The following MKI67 variants were observed in gnomAD, a reference collection of about 807,000 sequenced individuals.
MKI67 encodes marker of proliferation Ki-67, also known as proliferation marker protein Ki-67.
Under a neutral mutation model 233.5 loss-of-function variants are expected in MKI67, and 152 were observed. That is an observed-to-expected ratio of 0.65 (90% confidence interval 0.57 to 0.74). MKI67 has a LOEUF of 0.74. MKI67 is among the 30% of genes least tolerant of loss of function. The pLI is 0.00. For synonymous variants in MKI67, 1,465 were observed against 1,418.5 expected (o/e 1.03, Z -0.74); for missense variants, 3,940 against 3,885.2 (o/e 1.01, Z -0.37).
At chr10:128,123,674 C>T (rs1351079956) in intron 2 of MKI67, among the ~76,000 whole-genome samples, 1 of 152,174 alleles carries the variant, frequency 6.6e-6, no homozygotes, top group Non-Finnish European at 1.5e-5. Flanking sequence ...AATGGTTGTA[C>T]ATGTCACTAA....
rs534918568 is a variant in MKI67, at chr10:128,126,261, C to T, written c.-252G>A. 285 of 153,128 alleles carry T rather than the reference C, an allele frequency of 1.9e-3. 2 individuals carry two copies. The highest frequency in any genetic ancestry group is 3.5e-3 in the Non-Finnish European group (237 of 68,622). The allele number at this position is 153,128 out of a possible 1,614,324, so 9.5% of individuals were successfully genotyped here. ...GCCGCAGCCCGCGGGGTCGCGTTCGCTGCACCCCGGCCTGCAGTCCCCGCT... is the reference window on the plus strand; with the variant it reads ...GCCGCAGCCCGCGGGGTCGCGTTCGTTGCACCCCGGCCTGCAGTCCCCGCT... On this transcript the variant is annotated 5_prime_UTR_variant, in exon 1 of 15. Coordinates refer to ENST00000368654, the MANE Select transcript of MKI67 (RefSeq NM_002417.5).
chr10:128,125,662 C>T lies in MKI67; in HGVS notation c.6G>A (p.Trp2Ter). 1 of 1,613,728 alleles carries T rather than the reference C, an allele frequency of 6.2e-7. No individual in the cohort carries two copies. Among genetic ancestry groups the T allele is most frequent in the East Asian group, 2.2e-5 (1 of 44,872 alleles). The change falls in exon 2 of 15, where the codon TGG (tryptophan) becomes TGA (stop). Residue 2 changes from tryptophan (W) to a stop codon, truncating the protein, a stop_gained. Transcript: ENST00000368654. LOFTEE classifies it high-confidence loss of function. This position sits in a 1 kb window ranked among gnomAD's most constrained non-coding sequence, Gnocchi z 5.3. ...TGATAGTAACCAGGCGTCTCGTGGG[C>T]CACATTTTCTAAACAGTAAGTTGAG... M[W>*]PTRRLVTIKR... is the part of the protein sequence containing the mutation.
chr10:128,119,106 C>G (rs1852871540), intron 5 of MKI67, 147 bp downstream of exon 5: 2 of 647,870 alleles, frequency 3.1e-6, no homozygotes, highest in South Asian at 1.8e-5. Context: ...CTAAGTTCAA[C>G]TCGTTTTTAT....
Position 128,105,633 on chromosome 10 carries a change from C to T in MKI67, c.6207G>A (p.Glu2069=). 6.2e-7 allele frequency: 1 copy of T among 1,613,494 alleles called. No individual in the cohort carries two copies. The highest frequency in any genetic ancestry group is 8.5e-7 in the Non-Finnish European group (1 of 1,179,900). The stretch of plus-strand genomic sequence containing the variant: ...CGGCCAGGTCTTCTAGTGATTGGGC[C>T]TCTTCCTTAGGTGTTCTTGGCCACC... ...MERWPRTPKE[E]AQSLEDLAGF... is the part of the protein sequence containing the mutation. The change falls in exon 13 of 15, where the codon GAG becomes GAA. Residue 2069 remains glutamate, a synonymous_variant. Transcript: ENST00000368654.
At chr10:128,110,326 C>T (rs1407781554) in intron 12 of MKI67, 52 bp downstream of exon 12, 4 of 1,367,004 alleles carry the variant, frequency 2.9e-6, no homozygotes, top group Non-Finnish European at 3.9e-6. Context: ...AAAAATAATA[C>T]TGTATGTTCC....
rs145954212 is a variant in MKI67, at chr10:128,115,154, G to C, written c.1254C>G (p.Leu418=). ...GAATACTTCCTCTGGTTTTGGAAGAGAGATTTTCTGGCTTAGTGGCAGAGT... is the reference window on the plus strand; with the variant it reads ...GAATACTTCCTCTGGTTTTGGAAGACAGATTTTCTGGCTTAGTGGCAGAGT... ...AADSATKPEN[L]SSKTRGSIPT... is the part of the protein sequence containing the mutation. Residue 418 remains leucine (L), a synonymous_variant, in exon 7 of 15, where the codon CTC becomes CTG. Coordinates refer to ENST00000368654, the MANE Select transcript of MKI67 (RefSeq NM_002417.5). 21 of 1,614,246 alleles carry C rather than the reference G, an allele frequency of 1.3e-5. No homozygotes were observed. In the African/African-American group the frequency reaches 2.5e-4, roughly 19 times the overall value.
Position 128,107,880 on chromosome 10 carries a change from C to G in MKI67, c.3960G>C (p.Leu1320=). ...TGCCGGTTAAGTTCTCTGTCAGGTCCAGTTTCTGCACTGGAGTTCCCACAA... is the reference window on the plus strand; with the variant it reads ...TGCCGGTTAAGTTCTCTGTCAGGTCGAGTTTCTGCACTGGAGTTCCCACAA... ...IIFVGTPVQK[L]DLTENLTGSK... Residue 1320 remains leucine (L), a synonymous_variant, in exon 13 of 15, where the codon CTG becomes CTC. Coordinates refer to ENST00000368654, the MANE Select transcript of MKI67 (RefSeq NM_002417.5). 6.2e-7 allele frequency: 1 copy of G among 1,613,026 alleles called. No homozygotes were observed. The highest frequency in any genetic ancestry group is 8.5e-7 in the Non-Finnish European group (1 of 1,179,840).
In MKI67 at chr10:128,105,268, A is replaced by G; in HGVS notation, c.6572T>C (p.Leu2191Pro). 6.2e-7 allele frequency: 1 copy of G among 1,614,024 alleles called. No individual in the cohort carries two copies. The change falls in exon 13 of 15, where the codon CTA becomes CCA. Residue 2191 changes from leucine to proline, a missense_variant. Physicochemically the swap from Leu to Pro is moderately conservative, Grantham distance 98. Transcript: ENST00000368654. Reference protein sequence around the residue: ...PRTPKGKAQPLEDLAGLKELF... With the variant: ...PRTPKGKAQPPEDLAGLKELF... ...CTCTTTCAAGCCAGCCAAGTCTTCTAGGGGTTGGGCTTTTCCCTTAGGAGT... is the reference window on the plus strand; with the variant it reads ...CTCTTTCAAGCCAGCCAAGTCTTCTGGGGGTTGGGCTTTTCCCTTAGGAGT...
At chr10:128,120,605 C>T (rs1852915409) in intron 4 of MKI67, among the ~76,000 whole-genome samples, 2 of 152,070 alleles carry the variant, frequency 1.3e-5, no homozygotes, top group Admixed American at 6.5e-5. Context: ...TTCCCAGAAG[C>T]ACAGTAAAAG....
rs1407230913 is a variant in MKI67, at chr10:128,104,145, G to C, written c.7695C>G (p.Leu2565=). ...CTTCAGTGTGACCTGGTGCTGAGAA[G>C]AGCTCTTTGAAGTCAACCAGGTCTT... The part of the protein sequence containing the change: ...ALEDLVDFKE[L]FSAPGHTEES... The change falls in exon 13 of 15, where the codon CTC becomes CTG. Residue 2565 remains leucine, a synonymous_variant. Transcript: ENST00000368654. The C allele has an allele frequency of 6.2e-7, 1 of 1,614,088 alleles. No homozygotes were observed. The highest frequency in any genetic ancestry group is 8.5e-7 in the Non-Finnish European group (1 of 1,180,014).
chr10:128,112,133 C>G lies in MKI67; in HGVS notation c.1969G>C (p.Val657Leu). ...RSGASEANLI[V>L]AKSWADVVKL... ...ATATGTATTCTAATGTCAGACTAAC[C>G]AATCAGATTTGCTTCCGAAGCACCA... is the stretch of plus-strand genomic sequence containing the variant. The change falls in exon 9 of 15, where the codon GTT (valine) becomes CTT (leucine). Residue 657 changes from valine to leucine, a missense_variant and splice_region_variant. Val to Leu is a conservative substitution (Grantham distance 32). Coordinates refer to ENST00000368654, the MANE Select transcript of MKI67 (RefSeq NM_002417.5). 1 of 1,613,150 alleles carries G rather than the reference C, an allele frequency of 6.2e-7. No homozygotes were observed. Among genetic ancestry groups the G allele is most frequent in the Non-Finnish European group, 8.5e-7 (1 of 1,179,232 alleles).
In MKI67 at chr10:128,122,862, C is replaced by T. The variant is rs372588192; in HGVS notation, c.287+19G>A. The T allele has an allele frequency of 1.6e-6, 2 of 1,262,792 alleles. No homozygotes were observed. The highest frequency in any genetic ancestry group is 4.1e-5 in the Admixed American group (2 of 49,256). The allele number at this position is 1,262,792 out of a possible 1,614,324, so 78.2% of individuals were successfully genotyped here. A position where few individuals can be genotyped will look rare whatever the true frequency, so the allele number is the denominator to read the frequency against. On this transcript the variant is annotated intron_variant, in intron 4 of 14. Transcript: ENST00000368654. ...TCAGAAGATGACATTTACTGTTAGA[C>T]CAATCAGCTTTTACCTACCTGAAGG...
At position 128,103,934 on chromosome 10, in the gene MKI67, G is replaced by A; in HGVS notation, c.7906C>T (p.Pro2636Ser). The stretch of plus-strand genomic sequence containing the variant: ...TTGATGCCCTCATCACCGCTTGCTG[G>A]TTCTTTGTGTGTGTGTGTGCTTTGC... ...SGQSTHTHKE[P>S]ASGDEGIKVL... is the part of the protein sequence containing the mutation. The change falls in exon 13 of 15, where the codon CCA becomes TCA. Residue 2636 changes from proline (P) to serine (S), a missense_variant. Transcript: ENST00000368654. The A allele has an allele frequency of 6.2e-7, 1 of 1,613,930 alleles. No individual in the cohort carries two copies.
chr10:128,110,675 AAG>A (rs1852656230), intron 11 of MKI67, 142 bp from the exon 12 acceptor site: 1 of 539,534 alleles, frequency 1.9e-6, no homozygotes, highest in Admixed American at 3.1e-5. Flanking sequence ...GCCTCATAAA[AAG>A]AGTGATTCCA....
At chr10:128,119,376 G>A (rs569209013) in intron 4 of MKI67, 57 bp from the exon 5 acceptor site, 1 of 1,213,352 alleles carries the variant, frequency 8.2e-7, no homozygotes, top group East Asian at 2.3e-5. Flanking sequence ...TGGGGCGGAA[G>A]TCTCCATATC....
In MKI67 at chr10:128,104,500, G is replaced by T. The variant is rs1191577782; in HGVS notation, c.7340C>A (p.Pro2447Gln). ...AGTCATTGATTCCTCAGTGTGACCT[G>T]GTGTCTGGAAGAGTTCTTTGAAGCC... is the stretch of plus-strand genomic sequence containing the variant. ...LVGFKELFQT[P>Q]GHTEESMTDD... is the part of the protein sequence containing the mutation. The change falls in exon 13 of 15, where the codon CCA becomes CAA. Residue 2447 changes from proline to glutamine, a missense_variant. Pro to Gln is a moderately conservative substitution (Grantham distance 76). Transcript: ENST00000368654. 5.6e-6 allele frequency: 9 copies of T among 1,614,052 alleles called. No individual in the cohort carries two copies. Among genetic ancestry groups the T allele is most frequent in the Non-Finnish European group, 7.6e-6 (9 of 1,180,044 alleles).
In MKI67 at chr10:128,106,355, G is replaced by A. The variant is rs139212331; in HGVS notation, c.5485C>T (p.Leu1829=). Residue 1829 remains leucine (L), a synonymous_variant, in exon 13 of 15, where the codon CTA becomes TTA. Coordinates refer to ENST00000368654, the MANE Select transcript of MKI67 (RefSeq NM_002417.5). ...LQTRKEKAQA[L]EELTGFRELF... is the part of the protein sequence containing the mutation. ...TCTCTGAAGCCAGTCAGTTCTTCTA[G>A]AGCCTGGGCCTTTTCCTTACGAGTT... 2.8e-5 allele frequency: 45 copies of A among 1,613,624 alleles called. No individual in the cohort carries two copies. Among genetic ancestry groups the A allele is most frequent in the Non-Finnish European group, 3.7e-5 (44 of 1,179,932 alleles).
In MKI67 at chr10:128,104,738, C is replaced by T; in HGVS notation, c.7102G>A (p.Asp2368Asn). The T allele has an allele frequency of 6.2e-7, 1 of 1,613,772 alleles. No individual in the cohort carries two copies. The highest frequency in any genetic ancestry group is 8.5e-7 in the Non-Finnish European group (1 of 1,179,970). The stretch of plus-strand genomic sequence containing the variant: ...AGTGCTAAAAATTCTTCCTCTACGT[C>T]TGCTTTCCTGAGGTTTCTCTTGGGC... Reference protein sequence around the residue: ...QRPKRNLRKADVEEEFLALRK... With the variant: ...QRPKRNLRKANVEEEFLALRK... The change falls in exon 13 of 15, where the codon GAC becomes AAC. Residue 2368 changes from aspartate to asparagine, a missense_variant. Coordinates refer to ENST00000368654, the MANE Select transcript of MKI67 (RefSeq NM_002417.5).
Position 128,105,454 on chromosome 10 carries a change from T to C in MKI67, c.6386A>G (p.Asp2129Gly). 6.2e-7 allele frequency: 1 copy of C among 1,614,052 alleles called. No homozygotes were observed. Among genetic ancestry groups the C allele is most frequent in the South Asian group, 1.1e-5 (1 of 91,072 alleles). Residue 2129 changes from aspartate (D) to glycine (G), a missense_variant, in exon 13 of 15, where the codon GAT (aspartate) becomes GGT (glycine). Transcript: ENST00000368654. ...RRPKTPLGKR[D>G]IVEELSALKQ... ...CAGGGCTGAGAGCTCTTCCACTATA[T>C]CCCTTTTCCCCAAAGGTGTTTTGGG...
Sources: gnomAD v4.1 joint callset for allele counts (sites outside exome capture counted in the v4.1 genomes callset) on GRCh38, gnomAD v4.1.1 for gene constraint, Gnocchi (gnomAD v3.1) non-coding constraint, MANE v1.5 for transcripts, NCBI Gene and HGNC (gene_info 2026-07-23, HGNC 2026-07-21) for gene names.